NPAS3: variants seen among roughly 807,000 people sequenced by gnomAD.
The protein encoded by NPAS3 is neuronal PAS domain-containing protein 3.
Under a neutral mutation model 73.1 loss-of-function variants are expected in NPAS3, and 14 were observed. That is an observed-to-expected ratio of 0.19 (90% CI 0.13 to 0.30). The LOEUF is 0.30. NPAS3 is among the 10% of genes least tolerant of loss of function. The probability of loss-of-function intolerance (pLI) is 1.00; values close to 1 mark genes in which losing one functional copy is unlikely to be tolerated. For missense variants in NPAS3, 1,096 were observed against 1,250.0 expected, an observed-to-expected ratio of 0.88 and a Z score of 1.86; for synonymous variants, 620 against 541.5, an observed-to-expected ratio of 1.14 and a Z score of -2.01.
rs2045617009 is a variant in NPAS3, at chr14:33,177,075, TTATTA to T, written c.141-38105_141-38101del. 1.0e-4 allele frequency among the ~76,000 whole-genome samples: 8 copies of T among 77,402 alleles called. No homozygotes were observed. The South Asian group carries it at 4.5e-3, about 44-fold the overall frequency. 50.8% of individuals were successfully genotyped at this position (77,402 alleles called of 152,430 possible). A position where few individuals can be genotyped will look rare whatever the true frequency, so the allele number is the denominator to read the frequency against. ...TTTAATTAGGCTGTTTATCTTTTTA[TTATTA>T]TTATTATTATTATTATTATTATTAT... On this transcript the variant is annotated intron_variant, in intron 2 of 11. Transcript: ENST00000356141.
intron 7 of NPAS3, among the ~76,000 whole-genome samples, chr14:33,745,727 GAAT>G (rs900122432): frequency 4.3e-4 from 65 of 152,300 alleles, no homozygotes; most frequent in African/African-American, 1.5e-3. Flanking sequence ...ATGAGCTCTA[GAAT>G]AATAAATGAT....
At position 33,576,043 on chromosome 14, in the gene NPAS3, T is replaced by C. The variant is rs2056419850; in HGVS notation, c.558+15833T>C. 3.9e-5 allele frequency among the ~76,000 whole-genome samples: 6 copies of C among 152,162 alleles called. No homozygotes were observed. The South Asian group carries it at 1.0e-3, about 26-fold the overall frequency. ...TACAAACCTGTGGCAAACTGGATTT[T>C]ACAAATATTTAAATGGAATGTGTAA... On this transcript the variant is annotated intron_variant, in intron 5 of 11. Coordinates refer to ENST00000356141, the Ensembl canonical transcript of NPAS3.
intron 4 of NPAS3, among the ~76,000 whole-genome samples, chr14:33,471,346 A>G (rs17101319): frequency 0.13 from 19,410 of 152,180 alleles, 2,072 homozygotes; most frequent in African/African-American, 0.29. Flanking sequence ...AGTTACACCA[A>G]ACTTTCTGAC....
At chr14:33,762,870 C>T (rs767913270) in intron 7 of NPAS3, among the ~76,000 whole-genome samples, 11 of 152,020 alleles carry the variant, frequency 7.2e-5, no homozygotes, top group Non-Finnish European at 1.3e-4. Context: ...GTGTCAGTGC[C>T]GTGGGGTCTT....
intron 4 of NPAS3, among the ~76,000 whole-genome samples, chr14:33,369,989 C>G (rs1264987915): frequency 6.6e-6 from 1 of 152,148 alleles, no homozygotes; most frequent in African/African-American, 2.4e-5. Flanking sequence ...TCTTCCCTTT[C>G]CTCCTTCCTA....
At chr14:33,639,862 C>T (rs1289228678) in intron 5 of NPAS3, among the ~76,000 whole-genome samples, 1 of 152,128 alleles carries the variant, frequency 6.6e-6, no homozygotes, top group African/African-American at 2.4e-5. Flanking sequence ...AGGCACAAGT[C>T]CTTCCATCCA....
intron 3 of NPAS3, among the ~76,000 whole-genome samples, chr14:33,233,291 G>C (rs964516468): frequency 8.5e-5 from 13 of 152,088 alleles, no homozygotes; most frequent in Non-Finnish European, 4.4e-5. Flanking sequence ...TAAAATAAAT[G>C]AATGGCCTTT....
At chr14:33,413,017 G>A (rs1277642428) in intron 4 of NPAS3, among the ~76,000 whole-genome samples, 2 of 151,976 alleles carry the variant, frequency 1.3e-5, no homozygotes, top group Non-Finnish European at 2.9e-5. Flanking sequence ...AAAATATAAG[G>A]GCTTGAAAGC....
At chr14:33,766,179 G>A (rs1181486896) in intron 7 of NPAS3, among the ~76,000 whole-genome samples, 2 of 152,144 alleles carry the variant, frequency 1.3e-5, no homozygotes, top group Non-Finnish European at 2.9e-5. Flanking sequence ...ACATGCATAC[G>A]TGTACCTGAA....
intron 4 of NPAS3, among the ~76,000 whole-genome samples, chr14:33,378,103 G>A (rs2046384621): frequency 6.6e-6 from 1 of 152,172 alleles, no homozygotes. Context: ...AACTGTCTGA[G>A]CCTCAGTTTT....
At chr14:33,178,708 A>G (rs903092393) in intron 2 of NPAS3, among the ~76,000 whole-genome samples, 5 of 152,184 alleles carry the variant, frequency 3.3e-5, no homozygotes. Context: ...TAGATGCTCT[A>G]GTAGTTTTCT....
intron 3 of NPAS3, among the ~76,000 whole-genome samples, chr14:33,329,774 G>A (rs1039213443): frequency 1.3e-4 from 20 of 151,996 alleles, no homozygotes; most frequent in African/African-American, 4.8e-4. Context: ...TAGTAAGTAA[G>A]CCCTTTTCAT....
intron 4 of NPAS3, among the ~76,000 whole-genome samples, chr14:33,538,941 GC>G (rs1366231334): frequency 6.6e-6 from 1 of 152,138 alleles, no homozygotes; most frequent in Non-Finnish European, 1.5e-5. Context: ...CTGTGACAAA[GC>G]ATTTGTGATT....
At chr14:33,642,310 A>G (rs1420745904) in intron 5 of NPAS3, among the ~76,000 whole-genome samples, 5 of 152,166 alleles carry the variant, frequency 3.3e-5, no homozygotes, top group Admixed American at 3.3e-4. Flanking sequence ...TTAAAAGAAA[A>G]TGAGAGTTTA....
chr14:33,014,021 C>T (rs114858846), intron 1 of NPAS3, among the ~76,000 whole-genome samples: 3,432 of 152,072 alleles, frequency 0.023, 101 homozygotes, highest in African/African-American at 0.066. Context: ...AAGTGAACAA[C>T]AAAAATAATT....
chr14:33,072,419 A>G (rs556330609), intron 2 of NPAS3, among the ~76,000 whole-genome samples: 3 of 152,216 alleles, frequency 2.0e-5, no homozygotes, highest in Non-Finnish European at 4.4e-5. Flanking sequence ...ATCAACCTAT[A>G]ATATGAACAC....
upstream of NPAS3, among the ~76,000 whole-genome samples, chr14:32,935,975 G>A (rs904293010): frequency 2.0e-5 from 3 of 152,244 alleles, no homozygotes; most frequent in Non-Finnish European, 4.4e-5. Flanking sequence ...TTAAATATTT[G>A]TGTTTCCCAG....
upstream of NPAS3, chr14:32,939,223 CCCCACGCACACGCACACCCCCGCCCG>C (rs2139027929): frequency 2.0e-6 from 1 of 495,076 alleles, no homozygotes; most frequent in Non-Finnish European, 3.8e-6. Context: ...TCTCCCGCCA[CCCCACGCACACGCACACCCCCGCCCG>C]CCCACGCCCC....
intron 4 of NPAS3, among the ~76,000 whole-genome samples, chr14:33,444,926 T>C (rs1251798538): frequency 6.6e-6 from 1 of 152,256 alleles, no homozygotes; most frequent in Admixed American, 6.5e-5. Flanking sequence ...TGCTACCCAA[T>C]TTAATTATCT....
Sources: allele counts gnomAD v4.1 joint callset (sites outside exome capture counted in the v4.1 genomes callset), GRCh38; gene constraint gnomAD v4.1.1; transcripts MANE v1.5; gene names NCBI Gene and HGNC (gene_info 2026-07-23, HGNC 2026-07-21).